The following ANK3 variants were observed in gnomAD, a reference collection of about 807,000 sequenced individuals.
ANK3 encodes the protein ankyrin-3.
A neutral mutation model predicts 370.9 loss-of-function variants in ANK3; 57 were observed. That is an observed-to-expected ratio of 0.15 (90% confidence interval 0.12 to 0.19). The LOEUF is 0.19. ANK3 is among the 10% of genes least tolerant of loss of function. The pLI, the probability that ANK3 is intolerant of heterozygous loss-of-function variation, is 1.00. For missense variants in ANK3, 4,439 were observed against 5,302.1 expected, an observed-to-expected ratio of 0.84 and a Z score of 5.06; for synonymous variants, 1,929 against 1,946.3, an observed-to-expected ratio of 0.99 and a Z score of 0.23.
intron 1 of ANK3, among the ~76,000 whole-genome samples, chr10:60,655,144 C>T (rs371909283): frequency 1.3e-5 from 2 of 151,420 alleles, no homozygotes; most frequent in Admixed American, 6.6e-5. Flanking sequence ...TATGTTACTG[C>T]TTTATGTATT....
chr10:60,134,452 T>G, intron 24 of ANK3, 79 bp from the exon 25 acceptor site: 1 of 1,073,218 alleles, frequency 9.3e-7, no homozygotes, highest in Non-Finnish European at 1.4e-6. Flanking sequence ...CATGCAACTT[T>G]AAGAACAGGC....
At chr10:60,285,563 C>T (rs1170709040) in intron 1 of ANK3, among the ~76,000 whole-genome samples, 4 of 152,072 alleles carry the variant, frequency 2.6e-5, no homozygotes, top group African/African-American at 9.7e-5. Flanking sequence ...TGTTCACTTC[C>T]TTCTGTGCCT....
chr10:60,284,270 T>C (rs1014541169), intron 1 of ANK3, among the ~76,000 whole-genome samples: 5 of 152,170 alleles, frequency 3.3e-5, no homozygotes, highest in African/African-American at 1.2e-4. Context: ...TACTGATACC[T>C]TGATTTTGGA....
At chr10:60,676,373 G>A (rs1055984573) in intron 1 of ANK3, among the ~76,000 whole-genome samples, 2 of 145,774 alleles carry the variant, frequency 1.4e-5, no homozygotes, top group Admixed American at 6.8e-5. Flanking sequence ...TTACATACAA[G>A]CTTATTATTC....
intron 7 of ANK3, among the ~76,000 whole-genome samples, chr10:60,240,155 C>CATATATACACATATATACAT (rs1565915796): frequency 2.7e-4 from 31 of 116,636 alleles, no homozygotes; most frequent in African/African-American, 1.0e-3. Context: ...CATATATATA[C>CATATATACACATATATACAT]ATATATACAC....
intron 1 of ANK3, among the ~76,000 whole-genome samples, chr10:60,725,382 G>A (rs1288458105): frequency 6.6e-6 from 1 of 152,028 alleles, no homozygotes; most frequent in African/African-American, 2.4e-5. Flanking sequence ...GGGACCTCTG[G>A]TACACATTCC....
At chr10:60,575,336 A>C (rs537686923) in intron 2 of ANK3, among the ~76,000 whole-genome samples, 1 of 143,974 alleles carries the variant, frequency 6.9e-6, no homozygotes, top group East Asian at 2.3e-4. Flanking sequence ...TGCTGGTTGG[A>C]TGGAAAAAAA....
intron 2 of ANK3, among the ~76,000 whole-genome samples, chr10:60,562,431 G>C (rs984809365): frequency 6.6e-6 from 1 of 151,822 alleles, no homozygotes; most frequent in Admixed American, 6.6e-5. Flanking sequence ...CGTGGGGTAG[G>C]GGGATGGAGT....
intron 23 of ANK3, chr10:60,140,546 T>C: frequency 3.5e-6 from 5 of 1,410,556 alleles, no homozygotes; most frequent in Non-Finnish European, 4.6e-6. Context: ...ATTGAGGAAT[T>C]ATACATCTTT....
At chr10:60,422,684 T>G (rs1236261875) in intron 2 of ANK3, among the ~76,000 whole-genome samples, 1 of 152,114 alleles carries the variant, frequency 6.6e-6, no homozygotes, top group African/African-American at 2.4e-5. Context: ...TAAGCTGTAA[T>G]GGCATTTGCA....
intron 2 of ANK3, among the ~76,000 whole-genome samples, chr10:60,426,239 C>T (rs1348019726): frequency 1.3e-5 from 2 of 152,002 alleles, no homozygotes; most frequent in African/African-American, 4.8e-5. Context: ...ATGGTTGATG[C>T]CTTTTCATCA....
chr10:60,547,612 T>C (rs1450689362), intron 2 of ANK3, among the ~76,000 whole-genome samples: 1 of 151,154 alleles, frequency 6.6e-6, no homozygotes, highest in African/African-American at 2.4e-5. Flanking sequence ...CCTGACCTGG[T>C]GATCCACCTG....
chr10:60,399,644 C>T (rs2063314528), intron 2 of ANK3, among the ~76,000 whole-genome samples: 1 of 152,156 alleles, frequency 6.6e-6, no homozygotes, highest in African/African-American at 2.4e-5. Flanking sequence ...CTACAGTTAC[C>T]CAGGTGGACT....
chr10:60,285,529 C>T (rs71495634), intron 1 of ANK3, among the ~76,000 whole-genome samples: 24,167 of 147,196 alleles, frequency 0.16, 2,048 homozygotes, highest in African/African-American at 0.2. Flanking sequence ...AATCTTCCCT[C>T]GAGCTTTTCT....
intron 2 of ANK3, among the ~76,000 whole-genome samples, chr10:60,446,117 G>T (rs996161005): frequency 5.3e-5 from 8 of 152,108 alleles, no homozygotes; most frequent in Non-Finnish European, 8.8e-5. Flanking sequence ...TGATGCCGGG[G>T]TACTTTTGAT....
intron 1 of ANK3, among the ~76,000 whole-genome samples, chr10:60,630,170 A>G (rs2078462853): frequency 6.6e-6 from 1 of 152,158 alleles, no homozygotes; most frequent in Admixed American, 6.6e-5. Context: ...GTCAAAGGGC[A>G]TGATATCTCC....
chr10:60,459,778 A>G (rs2064837962), intron 2 of ANK3, among the ~76,000 whole-genome samples: 1 of 152,152 alleles, frequency 6.6e-6, no homozygotes, highest in South Asian at 2.1e-4. Context: ...ATGGGCTCCT[A>G]GTAATTTACT....
At chr10:60,458,475 GCAAATAC>G (rs2064805466) in intron 2 of ANK3, among the ~76,000 whole-genome samples, 1 of 152,026 alleles carries the variant, frequency 6.6e-6, no homozygotes, top group Non-Finnish European at 1.5e-5. Flanking sequence ...GAAGAAACAG[GCAAATAC>G]CAGCTGATTA....
chr10:60,071,750 G>T lies in ANK3; in HGVS notation c.9131C>A (p.Ser3044Tyr). Residue 3044 changes from serine to tyrosine, a missense_variant, in exon 37 of 44, where the codon TCC becomes TAC. Around this residue, in one of 13 missense-constraint regions of ANK3, gnomAD observed 1,601 missense variants for 1,731.7 expected, o/e 0.92. Transcript: ENST00000280772. ...LCPPLEETET[S>Y]PTKSPDSLEF... ...TAAAGAATCAGGAGATTTGGTGGGG[G>T]AGGTTTCGGTTTCCTCGAGAGGTGG... The T allele has an allele frequency of 6.3e-7, 1 of 1,598,344 alleles. No individual in the cohort carries two copies. Among genetic ancestry groups the T allele is most frequent in the Non-Finnish European group, 8.5e-7 (1 of 1,174,112 alleles).
Sources: allele counts gnomAD v4.1 joint callset (sites outside exome capture counted in the v4.1 genomes callset), GRCh38; gene constraint gnomAD v4.1.1; regional missense constraint gnomAD v4.1.1; transcripts MANE v1.5; gene names NCBI Gene and HGNC (gene_info 2026-07-23, HGNC 2026-07-21).